Variants in MAP3K1 observed in about 807,000 individuals in gnomAD.
MAP3K1 encodes the protein MAP/ERK kinase kinase 1.
A neutral mutation model predicts 144.2 loss-of-function variants in MAP3K1; 36 were observed. That is an observed-to-expected ratio of 0.25 (90% CI 0.19 to 0.33). The LOEUF (loss-of-function observed/expected upper bound fraction) is 0.33, where lower values mean the gene tolerates loss of function less well. Ranked by LOEUF, MAP3K1 falls within the 10% of genes least tolerant of loss-of-function variation. MAP3K1 has a pLI of 1.00. For missense variants in MAP3K1, 1,650 were observed against 1,881.9 expected, an observed-to-expected ratio of 0.88 and a Z score of 2.28; for synonymous variants, 718 against 688.7, an observed-to-expected ratio of 1.04 and a Z score of -0.67.
chr5:56,878,757 T>C (rs751082161), intron 10 of MAP3K1, among the ~76,000 whole-genome samples: 4 of 152,184 alleles, frequency 2.6e-5, no homozygotes, highest in East Asian at 3.8e-4. Flanking sequence ...ATTCAGACTT[T>C]TAAAAATTGC....
At chr5:56,860,112 G>A (rs1747461769) in intron 3 of MAP3K1, among the ~76,000 whole-genome samples, 197 bp downstream of exon 3, 1 of 152,012 alleles carries the variant, frequency 6.6e-6, no homozygotes, top group African/African-American at 2.4e-5. Context: ...ATAAAACTGG[G>A]ATGTTGTTTG....
chr5:56,821,991 T>G lies in MAP3K1; in HGVS notation c.482+5936T>G, dbSNP rs533428360. 2.8e-4 allele frequency among the ~76,000 whole-genome samples: 43 copies of G among 152,208 alleles called. 1 individual carries two copies. The South Asian group carries it at 8.9e-3, about 32-fold the overall frequency. On this transcript the variant is annotated intron_variant, in intron 1 of 19. Transcript: ENST00000399503. Reference sequence around the variant, plus strand: ...CGAGTTTTGAAGGCAAGAACTGTCTTTTTTTAGGAGTTTTTGTATATCGTT... The same window carrying G: ...CGAGTTTTGAAGGCAAGAACTGTCTGTTTTTAGGAGTTTTTGTATATCGTT...
At chr5:56,864,602 T>C in intron 3 of MAP3K1, 132 bp from the exon 4 acceptor site, 1 of 846,278 alleles carries the variant, frequency 1.2e-6, no homozygotes, top group Non-Finnish European at 2.0e-6. Flanking sequence ...CTGGATCTCC[T>C]GACCTCATGA....
chr5:56,836,996 AT>A lies in MAP3K1; in HGVS notation c.483-19598del, dbSNP rs1489175104. ...TGACACTCTAGAAAACAGATGCTCCATTTTTTATGCTTATGCTGTGGTTTTA... is the reference window on the plus strand; with the variant it reads ...TGACACTCTAGAAAACAGATGCTCCATTTTTATGCTTATGCTGTGGTTTTA... On this transcript the variant is annotated intron_variant, in intron 1 of 19. Transcript: ENST00000399503. Among the ~76,000 whole-genome samples the A allele has an allele frequency of 2.6e-5, 4 of 152,250 alleles. No individual in the cohort carries two copies. In the South Asian group the frequency reaches 8.3e-4, roughly 32 times the overall value.
intron 9 of MAP3K1, among the ~76,000 whole-genome samples, chr5:56,873,399 A>G (rs1211236130): frequency 6.6e-6 from 1 of 152,318 alleles, no homozygotes; most frequent in African/African-American, 2.4e-5. Flanking sequence ...CTCTTTTCAT[A>G]TCCTAATGGC....
intron 1 of MAP3K1, among the ~76,000 whole-genome samples, chr5:56,855,703 T>C (rs1747323936): frequency 6.6e-6 from 1 of 152,080 alleles, no homozygotes; most frequent in Non-Finnish European, 1.5e-5. Context: ...CTTGAGTATT[T>C]CCTTTTCCTA....
chr5:56,875,320 T>C lies in MAP3K1; in HGVS notation c.1965+10T>C. ...GTACGTTGCTGCTTTAGTAAGTAGC[T>C]TTATTCCATAATCATATCATTATGG... On this transcript the variant is annotated intron_variant, in intron 10 of 19. Coordinates refer to ENST00000399503, the MANE Select transcript of MAP3K1 (RefSeq NM_005921.2). The C allele has an allele frequency of 6.2e-7, 1 of 1,613,214 alleles. No individual in the cohort carries two copies.
chr5:56,820,560 A>G lies in MAP3K1; in HGVS notation c.482+4505A>G, dbSNP rs1746124335. 3 of 985,336 alleles carry G rather than the reference A, an allele frequency of 3.0e-6. No homozygotes were observed. The African/African-American group carries it at 5.2e-5, about 17-fold the overall frequency. The allele number at this position is 985,336 out of a possible 1,614,324, so 61.0% of individuals were successfully genotyped here. A position where few individuals can be genotyped will look rare whatever the true frequency, so the allele number is the denominator to read the frequency against. On this transcript the variant is annotated intron_variant, in intron 1 of 19. Coordinates refer to ENST00000399503, the MANE Select transcript of MAP3K1 (RefSeq NM_005921.2). ...GATCACCCTATCATGTCAGCCAAAG[A>G]GGGTTAGTCATTAGTGTTGAATGTT... is the stretch of plus-strand genomic sequence containing the variant.
At chr5:56,861,797 A>G (rs774465981) in intron 3 of MAP3K1, among the ~76,000 whole-genome samples, 1 of 152,176 alleles carries the variant, frequency 6.6e-6, no homozygotes, top group Non-Finnish European at 1.5e-5. Context: ...AGAGACTTCT[A>G]GTAGTGGAAA....
chr5:56,879,154 G>T (rs1272184473), intron 11 of MAP3K1, 53 bp downstream of exon 11: 3 of 1,607,366 alleles, frequency 1.9e-6, no homozygotes, highest in Admixed American at 3.3e-5. Context: ...AAAGTGCCTC[G>T]CAGCAAGCCT....
At chr5:56,850,427 A>C (rs763497169) in intron 1 of MAP3K1, among the ~76,000 whole-genome samples, 4 of 152,214 alleles carry the variant, frequency 2.6e-5, no homozygotes, top group African/African-American at 9.6e-5. Context: ...TTATAGTCTT[A>C]GTTGCCTCTA....
chr5:56,820,167 T>A (rs1199924452), intron 1 of MAP3K1, among the ~76,000 whole-genome samples: 2 of 152,028 alleles, frequency 1.3e-5, no homozygotes, highest in Non-Finnish European at 2.9e-5. Context: ...ATATATATGT[T>A]TATATATAAT....
intron 16 of MAP3K1, among the ~76,000 whole-genome samples, 175 bp from the exon 17 acceptor site, chr5:56,885,757 G>A (rs1038894315): frequency 1.3e-5 from 2 of 152,182 alleles, no homozygotes; most frequent in Non-Finnish European, 2.9e-5. Context: ...CTGTGAAAAT[G>A]TCTCCTAATT....
chr5:56,836,124 G>C (rs923243321), intron 1 of MAP3K1, among the ~76,000 whole-genome samples: 1 of 152,142 alleles, frequency 6.6e-6, no homozygotes. Context: ...ATTTCTGCTT[G>C]GTTTGTGGAC....
At chr5:56,848,697 A>C (rs534170125) in intron 1 of MAP3K1, among the ~76,000 whole-genome samples, 1 of 152,302 alleles carries the variant, frequency 6.6e-6, no homozygotes, top group Admixed American at 6.5e-5. Context: ...GCTGGAGAAT[A>C]CTTTTAATTT....
intron 1 of MAP3K1, among the ~76,000 whole-genome samples, chr5:56,848,661 TC>T (rs1747071936): frequency 6.6e-6 from 1 of 152,228 alleles, no homozygotes; most frequent in Admixed American, 6.5e-5. Context: ...TATACTGTGT[TC>T]TGGTTTTCAA....
At chr5:56,829,349 AT>A (rs70999027) in intron 1 of MAP3K1, among the ~76,000 whole-genome samples, 176 of 130,328 alleles carry the variant, frequency 1.4e-3, no homozygotes, top group South Asian at 2.0e-3. Context: ...TGCCCGGCAA[AT>A]TTTTTTTTTT....
At chr5:56,887,351 A>T in intron 17 of MAP3K1, 27 bp from the exon 18 acceptor site, 1 of 1,613,604 alleles carries the variant, frequency 6.2e-7, no homozygotes, top group Non-Finnish European at 8.5e-7. Flanking sequence ...TTTAACATAC[A>T]AGGTCATTTG....
chr5:56,855,333 A>G (rs1186540103), intron 1 of MAP3K1, among the ~76,000 whole-genome samples: 1 of 152,148 alleles, frequency 6.6e-6, no homozygotes, highest in East Asian at 1.9e-4. Flanking sequence ...TATTGCTTCT[A>G]TATAACAGTA....
Sources: gnomAD v4.1 joint callset for allele counts (sites outside exome capture counted in the v4.1 genomes callset) on GRCh38, gnomAD v4.1.1 for gene constraint, MANE v1.5 for transcripts, NCBI Gene and HGNC (gene_info 2026-07-23, HGNC 2026-07-21) for gene names.